CALN1: variants seen among roughly 807,000 people sequenced by gnomAD.
CALN1 encodes the protein calneuron 1.
In CALN1, 17 loss-of-function variants were observed where a neutral mutation model predicts 30.6. The ratio of observed to expected loss-of-function variants is 0.56; its 90% CI spans 0.38 to 0.83. CALN1 has a LOEUF of 0.83. CALN1 is among the 40% of genes least tolerant of loss of function. The pLI, the probability that CALN1 is intolerant of heterozygous loss-of-function variation, is 0.00. For synonymous variants in CALN1, 156 were observed against 131.4 expected (o/e 1.19, Z -1.28); for missense variants, 291 against 354.9 (o/e 0.82, Z 1.45).
chr7:72,430,482 A>T (rs1024940042), intron 1 of CALN1, among the ~76,000 whole-genome samples: 4 of 152,042 alleles, frequency 2.6e-5, no homozygotes, highest in Non-Finnish European at 5.9e-5. Context: ...CACCTGCTTT[A>T]AGTGTTTTCT....
intron 4 of CALN1, among the ~76,000 whole-genome samples, chr7:72,033,483 T>C (rs1024348028): frequency 6.7e-6 from 1 of 148,920 alleles, no homozygotes; most frequent in African/African-American, 2.5e-5. Flanking sequence ...AGTGCTATAA[T>C]TGACCTAAAA....
chr7:72,127,583 T>C (rs556307539), intron 3 of CALN1, among the ~76,000 whole-genome samples: 61 of 152,166 alleles, frequency 4.0e-4, no homozygotes, highest in African/African-American at 1.3e-3. Context: ...TATATGGGTT[T>C]TAAGGTACAG....
the CALN1 span, among the ~76,000 whole-genome samples, chr7:72,499,862 T>C: frequency 0.041 from 1,829 of 44,114 alleles, 228 homozygotes; most frequent in African/African-American, 0.14. Flanking sequence ...TCTTTCTTTC[T>C]TTCTTTCTTT....
At chr7:72,280,173 T>A (rs1797640862) in intron 2 of CALN1, among the ~76,000 whole-genome samples, 1 of 152,190 alleles carries the variant, frequency 6.6e-6, no homozygotes, top group African/African-American at 2.4e-5. Context: ...TCCTACAAAG[T>A]AGGCTACACT....
intron 2 of CALN1, among the ~76,000 whole-genome samples, chr7:72,400,459 A>C (rs978999168): frequency 6.6e-6 from 1 of 152,168 alleles, no homozygotes; most frequent in Admixed American, 6.5e-5. Flanking sequence ...TGATGAGCTA[A>C]ATTTTGAACC....
chr7:71,896,772 G>C (rs1323968926), intron 5 of CALN1, among the ~76,000 whole-genome samples: 1 of 152,114 alleles, frequency 6.6e-6, no homozygotes, highest in Non-Finnish European at 1.5e-5. Flanking sequence ...AGAGCTCTTA[G>C]CTCCTCTCCA....
Position 71,805,660 on chromosome 7 carries a change from C to T in CALN1, c.658+4676G>A, listed in dbSNP as rs540859109. On this transcript the variant is annotated intron_variant, in intron 6 of 6. Coordinates refer to ENST00000395275, the MANE Select transcript of CALN1 (RefSeq NM_031468.4). The stretch of plus-strand genomic sequence containing the variant: ...CACTCAGTGTTGATCGTGAGGTCAG[C>T]TCGTTTTCCAACTTGCTTCCTCATA... 8.6e-5 allele frequency among the ~76,000 whole-genome samples: 13 copies of T among 151,768 alleles called. 2 individuals are homozygous for T. In the South Asian group the frequency reaches 2.7e-3, roughly 32 times the overall value.
At chr7:72,328,756 C>T (rs975737968) in intron 2 of CALN1, among the ~76,000 whole-genome samples, 6 of 152,222 alleles carry the variant, frequency 3.9e-5, no homozygotes. Flanking sequence ...AGTGCAGTGG[C>T]ACAATCTCAG....
At chr7:72,501,903 C>A in the CALN1 span, among the ~76,000 whole-genome samples, 1 of 60,682 alleles carries the variant, frequency 1.6e-5, no homozygotes. Flanking sequence ...AGCGAGATTT[C>A]GTCTCAAAAA....
At chr7:71,919,647 G>T (rs1365374539) in intron 5 of CALN1, among the ~76,000 whole-genome samples, 1 of 152,174 alleles carries the variant, frequency 6.6e-6, no homozygotes, top group Non-Finnish European at 1.5e-5. Flanking sequence ...GGAGTCAGGG[G>T]AGTGTTAGTA....
At chr7:72,367,389 T>G (rs1803940915) in intron 2 of CALN1, among the ~76,000 whole-genome samples, 1 of 152,072 alleles carries the variant, frequency 6.6e-6, no homozygotes, top group African/African-American at 2.4e-5. Flanking sequence ...CTCAGAAGGC[T>G]GAGGTGGGAG....
chr7:72,296,335 G>C (rs1446563378), intron 2 of CALN1, among the ~76,000 whole-genome samples: 1 of 138,282 alleles, frequency 7.2e-6, no homozygotes, highest in African/African-American at 2.7e-5. Flanking sequence ...TTTTTTGGTT[G>C]TGTCTCTGCC....
intron 3 of CALN1, among the ~76,000 whole-genome samples, chr7:72,219,139 G>A (rs571124519): frequency 6.6e-6 from 1 of 152,274 alleles, no homozygotes; most frequent in Admixed American, 6.5e-5. Context: ...TACCTCTAGT[G>A]ACCCTAAGAT....
intron 2 of CALN1, among the ~76,000 whole-genome samples, chr7:72,349,281 CTTGT>C (rs1562912378): frequency 3.6e-5 from 4 of 111,054 alleles, no homozygotes; most frequent in African/African-American, 1.1e-4. Context: ...AACACGCGTG[CTTGT>C]GTGTGTGTGT....
chr7:72,005,144 T>C (rs370190239), intron 5 of CALN1, among the ~76,000 whole-genome samples: 56 of 152,220 alleles, frequency 3.7e-4, no homozygotes, highest in African/African-American at 1.2e-3. Context: ...TGAGCTCTTT[T>C]ATCCTGGAGA....
chr7:72,358,438 G>C (rs1803369115), intron 2 of CALN1, among the ~76,000 whole-genome samples: 1 of 150,144 alleles, frequency 6.7e-6, no homozygotes, highest in Non-Finnish European at 1.5e-5. Flanking sequence ...TCTCTCCTCA[G>C]CTCTCCCTTC....
chr7:72,308,371 GGGAGAGAGAGA>G (rs1394565408), intron 2 of CALN1, among the ~76,000 whole-genome samples: 1 of 94,116 alleles, frequency 1.1e-5, no homozygotes, highest in African/African-American at 4.1e-5. Flanking sequence ...CTGTGGGGGG[GGGAGAGAGAGA>G]GAGAGAGAGA....
At chr7:71,855,568 G>C (rs1406315428) in intron 5 of CALN1, among the ~76,000 whole-genome samples, 1 of 152,136 alleles carries the variant, frequency 6.6e-6, no homozygotes, top group Non-Finnish European at 1.5e-5. Flanking sequence ...CTTTCAATCT[G>C]GAGCTAGGGC....
the CALN1 span, among the ~76,000 whole-genome samples, chr7:72,493,689 G>A: frequency 6.6e-6 from 1 of 152,144 alleles, no homozygotes; most frequent in South Asian, 2.1e-4. Flanking sequence ...AGATCTTGAA[G>A]CCCTTCTGAA....
Sources: gnomAD v4.1 joint callset for allele counts (sites outside exome capture counted in the v4.1 genomes callset) on GRCh38, gnomAD v4.1.1 for gene constraint, MANE v1.5 for transcripts, NCBI Gene and HGNC (gene_info 2026-07-23, HGNC 2026-07-21) for gene names.